The following FBXW8 variants were observed in gnomAD, a reference collection of about 807,000 sequenced individuals.
FBXW8 encodes F-box/WD repeat-containing protein 8.
FBXW8 carries 57 observed loss-of-function variants against 65.3 expected under a neutral mutation model. The observed-to-expected ratio is 0.87, with a 90% CI of 0.71 to 1.09. The LOEUF (loss-of-function observed/expected upper bound fraction) is 1.09. Among genes scored for constraint, FBXW8 ranks in the 50% least tolerant of loss-of-function variants. The pLI is 0.00. For missense variants in FBXW8, 777 were observed against 814.8 expected, an observed-to-expected ratio of 0.95 and a Z score of 0.57; for synonymous variants, 308 against 330.2, an observed-to-expected ratio of 0.93 and a Z score of 0.73.
intron 7 of FBXW8, 57 bp from the exon 8 acceptor site, chr12:117,010,266 T>A (rs1953770793): frequency 1.2e-6 from 2 of 1,610,990 alleles, no homozygotes; most frequent in Middle Eastern, 1.7e-4. Context: ...ATGAAAGTAT[T>A]TGATGTCGGC....
intron 7 of FBXW8, among the ~76,000 whole-genome samples, chr12:116,999,658 A>T (rs952736645): frequency 7.9e-5 from 12 of 152,072 alleles, no homozygotes; most frequent in African/African-American, 2.9e-4. Context: ...CTGCGTGGCG[A>T]GGAGCATGGG....
At chr12:116,975,536 A>C (rs1427990473) in intron 5 of FBXW8, among the ~76,000 whole-genome samples, 1 of 152,252 alleles carries the variant, frequency 6.6e-6, no homozygotes, top group African/African-American at 2.4e-5. Context: ...CACAACATTC[A>C]GATGAGCAAT....
chr12:116,953,727 C>G (rs1475129289), intron 4 of FBXW8, among the ~76,000 whole-genome samples: 9 of 150,858 alleles, frequency 6.0e-5, no homozygotes, highest in African/African-American at 2.2e-4. Flanking sequence ...GAGCCAAGAT[C>G]GCGCCACTGC....
chr12:116,952,878 C>T (rs1330852542), intron 4 of FBXW8, among the ~76,000 whole-genome samples: 3 of 152,098 alleles, frequency 2.0e-5, no homozygotes, highest in Non-Finnish European at 2.9e-5. Flanking sequence ...GCTGGGACTA[C>T]GGGCGTGTGC....
intron 5 of FBXW8, among the ~76,000 whole-genome samples, chr12:116,984,800 C>T (rs1024201653): frequency 6.6e-6 from 1 of 152,114 alleles, no homozygotes; most frequent in African/African-American, 2.4e-5. Flanking sequence ...AAAAAGCAGC[C>T]TGGGCAACAT....
intron 7 of FBXW8, among the ~76,000 whole-genome samples, chr12:117,001,509 T>A (rs1477368014): frequency 6.6e-6 from 1 of 152,256 alleles, no homozygotes; most frequent in Admixed American, 6.5e-5. Context: ...TTGTACATTA[T>A]GAGCATCTCA....
At chr12:117,012,289 A>AT (rs150378163) in intron 8 of FBXW8, among the ~76,000 whole-genome samples, 12 of 151,646 alleles carry the variant, frequency 7.9e-5, no homozygotes, top group East Asian at 3.9e-4. Flanking sequence ...CCAATGTTAC[A>AT]TTTTTTTTTA....
intron 1 of FBXW8, among the ~76,000 whole-genome samples, chr12:116,927,529 A>G (rs1264173463): frequency 6.6e-6 from 1 of 152,122 alleles, no homozygotes; most frequent in Non-Finnish European, 1.5e-5. Context: ...AAAACCCCTT[A>G]GTGACCTAGA....
chr12:117,015,846 C>T (rs1342773657), intron 8 of FBXW8, among the ~76,000 whole-genome samples: 1 of 152,188 alleles, frequency 6.6e-6, no homozygotes, highest in Non-Finnish European at 1.5e-5. Flanking sequence ...TCCCCAGTTC[C>T]CTCATCCCCT....
chr12:117,007,442 T>C (rs1953705694), intron 7 of FBXW8, among the ~76,000 whole-genome samples: 1 of 152,242 alleles, frequency 6.6e-6, no homozygotes, highest in Admixed American at 6.5e-5. Flanking sequence ...CAACATGGTT[T>C]AGCTGTTTTA....
chr12:116,969,910 G>C (rs1402561983), intron 5 of FBXW8, among the ~76,000 whole-genome samples: 1 of 152,092 alleles, frequency 6.6e-6, no homozygotes, highest in Admixed American at 6.5e-5. Flanking sequence ...CTTCTGCCTT[G>C]TTTCCGATTG....
At chr12:116,918,292 A>T (rs530808345) in intron 1 of FBXW8, among the ~76,000 whole-genome samples, 1 of 152,276 alleles carries the variant, frequency 6.6e-6, no homozygotes, top group Non-Finnish European at 1.5e-5. Context: ...TGCTTTCTTC[A>T]GTGGAGTGGC....
At chr12:116,974,371 A>T (rs1187417694) in intron 5 of FBXW8, among the ~76,000 whole-genome samples, 1 of 152,224 alleles carries the variant, frequency 6.6e-6, no homozygotes, top group African/African-American at 2.4e-5. Context: ...CTTCCCCAAG[A>T]GTAAAAAGAC....
chr12:116,927,916 A>G (rs2137308692), intron 1 of FBXW8, 107 bp from the exon 2 acceptor site: 3 of 663,650 alleles, frequency 4.5e-6, no homozygotes, highest in East Asian at 5.5e-5. Context: ...AGCCTCATCT[A>G]TCTTGTTACC....
At chr12:116,972,247 G>A (rs1350279650) in intron 5 of FBXW8, among the ~76,000 whole-genome samples, 1 of 152,192 alleles carries the variant, frequency 6.6e-6, no homozygotes, top group Non-Finnish European at 1.5e-5. Context: ...TGGGGAGATA[G>A]TTTAGACTGG....
rs947678047 is a variant in FBXW8, at chr12:116,936,424, T to C, written c.423+8297T>C. ...TTCATGATAAAACGCCCTTTGCCGA[T>C]GTGATTAGGTTAAGGATCTAGAGAT... On this transcript the variant is annotated intron_variant, in intron 2 of 10. Transcript: ENST00000652555. The surrounding 1 kb of genome is among the most constrained non-coding windows in gnomAD (Gnocchi z 4.6). 6.6e-6 allele frequency among the ~76,000 whole-genome samples: 1 copy of C among 152,122 alleles called. No individual in the cohort carries two copies. Among genetic ancestry groups the C allele is most frequent in the Non-Finnish European group, 1.5e-5 (1 of 68,018 alleles).
intron 4 of FBXW8, chr12:116,950,122 C>T (rs1343981285): frequency 6.1e-6 from 1 of 162,864 alleles, no homozygotes; most frequent in Non-Finnish European, 1.3e-5. Context: ...GCTTTGGCCA[C>T]ACATAATCTT....
At chr12:117,000,712 C>T (rs1953494631) in intron 7 of FBXW8, among the ~76,000 whole-genome samples, 1 of 152,210 alleles carries the variant, frequency 6.6e-6, no homozygotes, top group Non-Finnish European at 1.5e-5. Context: ...GGTTTGAGCT[C>T]CTTAGGGCCC....
rs746049377 is a variant in FBXW8, at chr12:117,028,066, A to T, written c.1691A>T (p.Asp564Val). The T allele has an allele frequency of 6.2e-7, 1 of 1,613,978 alleles. No individual in the cohort carries two copies. The highest frequency in any genetic ancestry group is 1.7e-5 in the Admixed American group (1 of 60,010). Reference protein sequence around the residue: ...GLIRAYEFAVDQLAFQSPLPV... With the variant: ...GLIRAYEFAVVQLAFQSPLPV... ...ATCCGCGCCTATGAGTTTGCGGTGG[A>T]CCAGCTGGCCTTCCAGAGCCCTCTC... is the stretch of plus-strand genomic sequence containing the variant. The change falls in exon 11 of 11, where the codon GAC (aspartate) becomes GTC (valine). Residue 564 changes from aspartate (D) to valine (V), a missense_variant. Asp to Val is a radical substitution (Grantham distance 152, BLOSUM62 -3). Transcript: ENST00000652555. This position sits in a 1 kb window ranked among gnomAD's most constrained non-coding sequence, Gnocchi z 4.1.
Sources: gnomAD v4.1 joint callset for allele counts (sites outside exome capture counted in the v4.1 genomes callset) on GRCh38, gnomAD v4.1.1 for gene constraint, Gnocchi (gnomAD v3.1) non-coding constraint, MANE v1.5 for transcripts, NCBI Gene and HGNC (gene_info 2026-07-23, HGNC 2026-07-21) for gene names.